The following PRDM2 variants were observed in gnomAD, a reference collection of about 807,000 sequenced individuals.
The protein encoded by PRDM2 is PR domain zinc finger protein 2.
In PRDM2, 30 loss-of-function variants were observed where a neutral mutation model predicts 130.0. The ratio of observed to expected loss-of-function variants is 0.23; its 90% CI spans 0.17 to 0.31. The LOEUF is 0.31. Ranked by LOEUF, PRDM2 falls within the 10% of genes least tolerant of loss-of-function variation. The pLI is 1.00. For missense variants in PRDM2, 2,011 were observed against 2,108.4 expected, an observed-to-expected ratio of 0.95 and a Z score of 0.90; for synonymous variants, 871 against 782.4, an observed-to-expected ratio of 1.11 and a Z score of -1.89.
intron 6 of PRDM2, among the ~76,000 whole-genome samples, chr1:13,768,074 G>GTTTTT (rs774757778): frequency 2.5e-5 from 3 of 117,738 alleles, no homozygotes; most frequent in Non-Finnish European, 5.3e-5. Context: ...TTGTCCTTGA[G>GTTTTT]TTTTTTTTTT....
chr1:13,813,837 G>T (rs1185637345), intron 8 of PRDM2, among the ~76,000 whole-genome samples: 2 of 152,222 alleles, frequency 1.3e-5, no homozygotes, highest in Non-Finnish European at 1.5e-5. Flanking sequence ...TGCTGCATCC[G>T]CAGGAGCCCA....
chr1:13,719,313 A>C (rs1198409800), intron 2 of PRDM2, among the ~76,000 whole-genome samples: 1 of 152,236 alleles, frequency 6.6e-6, no homozygotes, highest in Admixed American at 6.5e-5. Context: ...AAGACCCTGA[A>C]GTGGAAATGA....
At chr1:13,741,021 ATAAAG>A (rs1164001312) in intron 4 of PRDM2, among the ~76,000 whole-genome samples, 1 of 152,250 alleles carries the variant, frequency 6.6e-6, no homozygotes, top group Non-Finnish European at 1.5e-5. Context: ...CTTCCTAAAA[ATAAAG>A]TAAAAGACTC....
intron 8 of PRDM2, among the ~76,000 whole-genome samples, chr1:13,798,537 G>A (rs986042573): frequency 6.6e-6 from 1 of 151,994 alleles, no homozygotes; most frequent in Non-Finnish European, 1.5e-5. Flanking sequence ...AGGTACTGGT[G>A]GAATTATAGT....
rs993583815 is a variant in PRDM2 at position 13,712,799 on chromosome 1, A to G, written c.-65-2742A>G. Among the ~76,000 whole-genome samples the G allele has an allele frequency of 1.1e-4, 17 of 152,208 alleles. 1 individual carries two copies. The highest frequency in any genetic ancestry group is 3.6e-4 in the African/African-American group (15 of 41,552). On this transcript the variant is annotated intron_variant, in intron 1 of 9. Coordinates refer to ENST00000311066, the MANE Select transcript of PRDM2 (RefSeq NM_001393986.1). ...AAAAAGAAATAAAATCTATCCATCC[A>G]TCCGTCCGTCTGTCCGTCCAGGATC... is the stretch of plus-strand genomic sequence containing the variant.
At chr1:13,725,603 G>A (rs946392986) in intron 2 of PRDM2, among the ~76,000 whole-genome samples, 1 of 152,162 alleles carries the variant, frequency 6.6e-6, no homozygotes, top group African/African-American at 2.4e-5. Context: ...GTATAATAAT[G>A]CTAGTTAGAC....
chr1:13,774,675 C>A (rs1482456109), intron 7 of PRDM2, among the ~76,000 whole-genome samples: 1 of 152,116 alleles, frequency 6.6e-6, no homozygotes, highest in Non-Finnish European at 1.5e-5. Flanking sequence ...CATCAGGTCC[C>A]ATGAAAAATG....
In PRDM2 at chr1:13,749,429, G is replaced by A; in HGVS notation, c.453G>A (p.Ala151=). Residue 151 remains alanine, a synonymous_variant, in exon 6 of 10, where the codon GCG becomes GCA. Coordinates refer to ENST00000311066, the MANE Select transcript of PRDM2 (RefSeq NM_001393986.1). ...NGEDNPEIAA[A]IEEERASARS... is the part of the protein sequence containing the mutation. Reference sequence around the variant, plus strand: ...AAGACAACCCTGAGATAGCAGCTGCGATTGAGGAAGAGCGAGCCAGCGCCC... The same window carrying A: ...AAGACAACCCTGAGATAGCAGCTGCAATTGAGGAAGAGCGAGCCAGCGCCC... The A allele has an allele frequency of 6.6e-7, 1 of 1,512,700 alleles. No individual in the cohort carries two copies. Among genetic ancestry groups the A allele is most frequent in the Non-Finnish European group, 8.9e-7 (1 of 1,118,438 alleles). The allele number at this position is 1,512,700 out of a possible 1,614,324, so 93.7% of individuals were successfully genotyped here.
chr1:13,806,272 C>A lies in PRDM2; in HGVS notation c.5037-10155C>A, dbSNP rs971160593. ...CCTGGGCTCTGTCCCCCGCATCCCG[C>A]CTCCATCCCTGGGCTCTGTCCCCTC... is the stretch of plus-strand genomic sequence containing the variant. On this transcript the variant is annotated intron_variant, in intron 8 of 9. Coordinates refer to ENST00000311066, the MANE Select transcript of PRDM2 (RefSeq NM_001393986.1). This position sits in a 1 kb window ranked among gnomAD's most constrained non-coding sequence, Gnocchi z 4.1. Among the ~76,000 whole-genome samples, 6 of 152,052 alleles carry A rather than the reference C, an allele frequency of 3.9e-5. No individual in the cohort carries two copies. The highest frequency in any genetic ancestry group is 1.5e-4 in the African/African-American group (6 of 41,362).
chr1:13,749,327 A>G, intron 5 of PRDM2, 34 bp from the exon 6 acceptor site: 2 of 1,402,278 alleles, frequency 1.4e-6, no homozygotes, highest in East Asian at 3.8e-5. Flanking sequence ...CGCCGCTCTG[A>G]TTGGCCCGGC....
chr1:13,789,095 G>T (rs1644797782), intron 8 of PRDM2, among the ~76,000 whole-genome samples: 1 of 152,148 alleles, frequency 6.6e-6, no homozygotes, highest in Admixed American at 6.5e-5. Context: ...ACATGACAGG[G>T]ACTCAGATGT....
At chr1:13,735,240 TAACAGGAGAGA>T (rs1399635166) in intron 4 of PRDM2, among the ~76,000 whole-genome samples, 1 of 152,186 alleles carries the variant, frequency 6.6e-6, no homozygotes, top group African/African-American at 2.4e-5. Context: ...AAATCAGAAA[TAACAGGAGAGA>T]AACAGTAGAG....
chr1:13,793,268 G>A (rs1234196746), intron 8 of PRDM2, among the ~76,000 whole-genome samples: 1 of 152,254 alleles, frequency 6.6e-6, no homozygotes, highest in Non-Finnish European at 1.5e-5. Flanking sequence ...GTTACAGAAG[G>A]CAGCATGTGT....
chr1:13,749,593 C>T, intron 6 of PRDM2, 106 bp downstream of exon 6: 3 of 770,152 alleles, frequency 3.9e-6, no homozygotes, highest in Non-Finnish European at 3.2e-6. Flanking sequence ...GGGTCGCGGG[C>T]TCGGGCGGCG....
intron 2 of PRDM2, among the ~76,000 whole-genome samples, chr1:13,723,831 G>A (rs1419784852): frequency 3.3e-5 from 5 of 152,182 alleles, no homozygotes; most frequent in Admixed American, 6.5e-5. Context: ...CCAGGCATTT[G>A]TTTGCCCGTT....
chr1:13,791,392 A>G (rs1415891107), intron 8 of PRDM2, among the ~76,000 whole-genome samples: 1 of 152,148 alleles, frequency 6.6e-6, no homozygotes, highest in African/African-American at 2.4e-5. Context: ...TGGTTCATCA[A>G]CGGCAACGTG....
At chr1:13,734,289 C>A (rs563649883) in intron 4 of PRDM2, among the ~76,000 whole-genome samples, 1 of 152,254 alleles carries the variant, frequency 6.6e-6, no homozygotes, top group East Asian at 1.9e-4. Context: ...ATTATGCTCC[C>A]AAATAAACTG....
At chr1:13,736,659 T>C (rs948657349) in intron 4 of PRDM2, among the ~76,000 whole-genome samples, 4 of 152,228 alleles carry the variant, frequency 2.6e-5, no homozygotes, top group Admixed American at 1.3e-4. Flanking sequence ...TTTAACTTTT[T>C]ATAAATTTTG....
intron 8 of PRDM2, among the ~76,000 whole-genome samples, chr1:13,786,066 C>T (rs1644731702): frequency 1.3e-5 from 2 of 151,926 alleles, no homozygotes; most frequent in Non-Finnish European, 2.9e-5. Flanking sequence ...TCTCGATCTC[C>T]TGACCTTATG....
Sources: allele counts gnomAD v4.1 joint callset (sites outside exome capture counted in the v4.1 genomes callset), GRCh38; gene constraint gnomAD v4.1.1; non-coding constraint Gnocchi (gnomAD v3.1); transcripts MANE v1.5; gene names NCBI Gene and HGNC (gene_info 2026-07-23, HGNC 2026-07-21).